The following NCAM1 variants were observed in gnomAD, a reference collection of about 807,000 sequenced individuals.
NCAM1 encodes the protein neural cell adhesion molecule 1, also known as antigen recognized by monoclonal antibody 5.1H11.
Under a neutral mutation model 109.8 loss-of-function variants are expected in NCAM1, and 14 were observed. The ratio of observed to expected loss-of-function variants is 0.13; its 90% CI spans 0.08 to 0.20. The LOEUF (loss-of-function observed/expected upper bound fraction) is 0.20, where lower values mean the gene tolerates loss of function less well. Ranked by LOEUF, NCAM1 falls within the 10% of genes least tolerant of loss-of-function variation. The pLI, the probability that NCAM1 is intolerant of heterozygous loss-of-function variation, is 1.00. For synonymous variants in NCAM1, 418 were observed against 442.9 expected, an observed-to-expected ratio of 0.94 and a Z score of 0.70; for missense variants, 774 against 1,109.9, an observed-to-expected ratio of 0.70 and a Z score of 4.30.
At chr11:113,140,298 T>C (rs995182451) in intron 1 of NCAM1, among the ~76,000 whole-genome samples, 2 of 152,116 alleles carry the variant, frequency 1.3e-5, no homozygotes, top group Non-Finnish European at 2.9e-5. Flanking sequence ...CTTTTACAGG[T>C]GTAGGAAACC....
At chr11:113,217,910 A>C (rs1944577194) in intron 8 of NCAM1, among the ~76,000 whole-genome samples, 1 of 152,166 alleles carries the variant, frequency 6.6e-6, no homozygotes, top group African/African-American at 2.4e-5. Context: ...GCCAGTAGCC[A>C]CCTCTAATTG....
chr11:113,225,638 A>G (rs2137147239), intron 9 of NCAM1, among the ~76,000 whole-genome samples: 1 of 152,346 alleles, frequency 6.6e-6, no homozygotes, highest in East Asian at 1.9e-4. Flanking sequence ...TGTCAGATTC[A>G]CCAAAGTGGA....
intron 1 of NCAM1, among the ~76,000 whole-genome samples, chr11:113,148,160 C>T (rs909869826): frequency 1.6e-4 from 24 of 152,262 alleles, no homozygotes; most frequent in Admixed American, 1.2e-3. Flanking sequence ...GACCTAGGGA[C>T]GACAGAGCCC....
chr11:112,980,350 T>C (rs2134666977), intron 1 of NCAM1, among the ~76,000 whole-genome samples: 1 of 151,890 alleles, frequency 6.6e-6, no homozygotes, highest in Non-Finnish European at 1.5e-5. Flanking sequence ...TAAAAACATA[T>C]GTCAGTATAA....
intron 16 of NCAM1, among the ~76,000 whole-genome samples, chr11:113,256,329 A>G (rs1029189845): frequency 5.9e-5 from 9 of 152,194 alleles, no homozygotes; most frequent in Non-Finnish European, 1.2e-4. Context: ...CCATACTAAT[A>G]TATAAGAATC....
At chr11:112,991,950 A>G (rs782394129) in intron 1 of NCAM1, among the ~76,000 whole-genome samples, 34 of 152,280 alleles carry the variant, frequency 2.2e-4, no homozygotes, top group Non-Finnish European at 3.2e-4. Flanking sequence ...AACTTTATTA[A>G]GTCTTTAAGG....
chr11:112,998,603 G>T (rs1160048458), intron 1 of NCAM1, among the ~76,000 whole-genome samples: 2 of 151,956 alleles, frequency 1.3e-5, no homozygotes, highest in Non-Finnish European at 2.9e-5. Context: ...TCCTGCTTGT[G>T]TTCACTGCCA....
intron 9 of NCAM1, among the ~76,000 whole-genome samples, chr11:113,226,707 G>T (rs1396931581): frequency 1.3e-5 from 2 of 152,144 alleles, no homozygotes; most frequent in South Asian, 2.1e-4. Flanking sequence ...AAATGTAAAA[G>T]AACAGAAATG....
At chr11:113,207,403 A>G (rs1555113052) in intron 6 of NCAM1, 25 bp downstream of exon 6, 2 of 1,573,442 alleles carry the variant, frequency 1.3e-6, no homozygotes, top group African/African-American at 1.4e-5. Context: ...CATACCTTTT[A>G]TCATGGACTA....
At position 113,114,279 on chromosome 11, in the gene NCAM1, G is replaced by A. The variant is rs572445284; in HGVS notation, c.53-88100G>A. ...GAACTGTTTCAGAGCATTGCAGAGG[G>A]GAACTCTAGAGAGGTTTGGCCGTGG... On this transcript the variant is annotated intron_variant, in intron 1 of 19. Transcript: ENST00000316851. 2.6e-5 allele frequency among the ~76,000 whole-genome samples: 4 copies of A among 152,272 alleles called. No individual in the cohort carries two copies. In the South Asian group the frequency reaches 8.3e-4, roughly 32 times the overall value.
At chr11:113,108,627 C>T (rs1201667878) in intron 1 of NCAM1, among the ~76,000 whole-genome samples, 1 of 152,072 alleles carries the variant, frequency 6.6e-6, no homozygotes, top group African/African-American at 2.4e-5. Flanking sequence ...CATATCCTTT[C>T]TTCATATGCT....
intron 1 of NCAM1, among the ~76,000 whole-genome samples, chr11:113,099,070 A>AAG (rs1555091020): frequency 6.6e-6 from 1 of 152,120 alleles, no homozygotes; most frequent in Admixed American, 6.6e-5. Context: ...CCTCAAAACA[A>AAG]CCCTAGAAGG....
At chr11:113,232,496 C>A in intron 11 of NCAM1, 142 bp downstream of exon 11, 2 of 927,972 alleles carry the variant, frequency 2.2e-6, no homozygotes, top group East Asian at 2.6e-5. Flanking sequence ...GACACTGAGC[C>A]TCTTTTCAGC....
At chr11:113,126,687 G>A (rs1941193163) in intron 1 of NCAM1, among the ~76,000 whole-genome samples, 1 of 152,132 alleles carries the variant, frequency 6.6e-6, no homozygotes, top group African/African-American at 2.4e-5. Flanking sequence ...TCTTTTACAT[G>A]AACGGTTCTC....
chr11:112,968,509 A>G (rs1950785655), intron 1 of NCAM1, among the ~76,000 whole-genome samples: 1 of 152,212 alleles, frequency 6.6e-6, no homozygotes, highest in Non-Finnish European at 1.5e-5. Context: ...ACACTTTGAT[A>G]TGTGCTTAAT....
intron 1 of NCAM1, among the ~76,000 whole-genome samples, chr11:112,964,314 T>G (rs1950672659): frequency 6.6e-6 from 1 of 152,186 alleles, no homozygotes; most frequent in Admixed American, 6.5e-5. Flanking sequence ...TGTCCTCTGC[T>G]CTTTAGAAAT....
At chr11:112,970,557 C>G (rs185244639) in intron 1 of NCAM1, among the ~76,000 whole-genome samples, 1 of 152,146 alleles carries the variant, frequency 6.6e-6, no homozygotes, top group Non-Finnish European at 1.5e-5. Flanking sequence ...AGAAGTTGCT[C>G]TGCTACTAAC....
In NCAM1 at chr11:113,224,662, G is replaced by A. The variant is rs61385804; in HGVS notation, c.1089+3337G>A. 7.2e-3 allele frequency among the ~76,000 whole-genome samples: 1,093 copies of A among 152,322 alleles called. 16 individuals are homozygous for A. Among genetic ancestry groups the A allele is most frequent in the African/African-American group, 0.025 (1,037 of 41,584 alleles). Reference sequence around the variant, plus strand: ...CAAGTGGGTCCCTGACCCCCGAGTAGCCTAACTGGGAGGCACCCCCCAGTA... The same window carrying A: ...CAAGTGGGTCCCTGACCCCCGAGTAACCTAACTGGGAGGCACCCCCCAGTA... On this transcript the variant is annotated intron_variant, in intron 9 of 19. Coordinates refer to ENST00000316851, the MANE Select transcript of NCAM1 (RefSeq NM_181351.5).
chr11:113,157,368 A>G (rs1261703734), intron 1 of NCAM1, among the ~76,000 whole-genome samples: 2 of 152,212 alleles, frequency 1.3e-5, no homozygotes, highest in Non-Finnish European at 2.9e-5. Flanking sequence ...CCCACATCAA[A>G]CAAACCAAAT....
Sources: gnomAD v4.1 joint callset for allele counts (sites outside exome capture counted in the v4.1 genomes callset) on GRCh38, gnomAD v4.1.1 for gene constraint, MANE v1.5 for transcripts, NCBI Gene and HGNC (gene_info 2026-07-23, HGNC 2026-07-21) for gene names.